The following TMEM132B variants were observed in gnomAD, a reference collection of about 807,000 sequenced individuals.
TMEM132B encodes transmembrane protein 132B.
In TMEM132B, 18 loss-of-function variants were observed where a neutral mutation model predicts 90.8. The ratio of observed to expected loss-of-function variants is 0.20; its 90% CI spans 0.14 to 0.29. The LOEUF (loss-of-function observed/expected upper bound fraction) is 0.29. Among genes scored for constraint, TMEM132B ranks in the 10% least tolerant of loss-of-function variants. TMEM132B has a pLI of 1.00. For synonymous variants in TMEM132B, 504 were observed against 523.3 expected, an observed-to-expected ratio of 0.96 and a Z score of 0.50; for missense variants, 1,096 against 1,326.8, an observed-to-expected ratio of 0.83 and a Z score of 2.70.
At chr12:125,325,365 G>A (rs1876531296) in intron 1 of TMEM132B, among the ~76,000 whole-genome samples, 2 of 152,180 alleles carry the variant, frequency 1.3e-5, no homozygotes, top group African/African-American at 2.4e-5. Context: ...TCAAAGCAGC[G>A]CCCAGGGGAA....
chr12:125,398,458 C>T lies in TMEM132B; in HGVS notation c.960-17073C>T, dbSNP rs74986845. On this transcript the variant is annotated intron_variant, in intron 2 of 8. Transcript: ENST00000682704. ...CTTCTAAGTCAATGCAGAGAAAAAG[C>T]GTAGGGTAAACGCAGTAATTAGTAG... Among the ~76,000 whole-genome samples, 1,360 of 152,256 alleles carry T rather than the reference C, an allele frequency of 8.9e-3. 24 individuals are homozygous for T. The highest frequency in any genetic ancestry group is 0.03 in the African/African-American group (1,227 of 41,556).
chr12:125,614,576 A>G (rs1885943069), intron 5 of TMEM132B, among the ~76,000 whole-genome samples: 1 of 152,160 alleles, frequency 6.6e-6, no homozygotes. Context: ...CAGTGAACAT[A>G]TGAGTTCATG....
intron 1 of TMEM132B, among the ~76,000 whole-genome samples, chr12:125,233,873 C>T (rs908875042): frequency 6.6e-5 from 10 of 152,172 alleles, no homozygotes; most frequent in East Asian, 1.9e-4. Flanking sequence ...ACTGCCTCCC[C>T]GTAGATCCTG....
intron 3 of TMEM132B, among the ~76,000 whole-genome samples, chr12:125,474,885 C>T (rs1443683503): frequency 6.6e-6 from 1 of 152,248 alleles, no homozygotes; most frequent in Non-Finnish European, 1.5e-5. Context: ...TCCAGGCTCA[C>T]TTCTGGTCTT....
At chr12:125,543,399 T>A (rs1430016305) in intron 4 of TMEM132B, among the ~76,000 whole-genome samples, 2 of 152,184 alleles carry the variant, frequency 1.3e-5, no homozygotes, top group African/African-American at 4.8e-5. Context: ...TTACATAAAA[T>A]TTACATCGTT....
chr12:125,193,735 T>C (rs542772370), intron 1 of TMEM132B, among the ~76,000 whole-genome samples: 2 of 152,320 alleles, frequency 1.3e-5, no homozygotes, highest in Admixed American at 1.3e-4. Context: ...CATTCATTCA[T>C]TGAACAGAGG....
chr12:125,405,658 C>G (rs909891858), intron 2 of TMEM132B, among the ~76,000 whole-genome samples: 3 of 152,200 alleles, frequency 2.0e-5, no homozygotes. Flanking sequence ...CCCCTACACT[C>G]CATCCTGCCT....
At chr12:125,500,399 C>T (rs1360033259) in intron 3 of TMEM132B, among the ~76,000 whole-genome samples, 2 of 152,164 alleles carry the variant, frequency 1.3e-5, no homozygotes, top group Non-Finnish European at 2.9e-5. Flanking sequence ...AGTAGGACCT[C>T]CCCTAACCCT....
chr12:125,245,547 C>T (rs2136097337), intron 1 of TMEM132B, among the ~76,000 whole-genome samples: 1 of 152,278 alleles, frequency 6.6e-6, no homozygotes. Context: ...TTCGATGGGG[C>T]CTGTGCAGTT....
chr12:125,265,019 C>T (rs1500106), intron 1 of TMEM132B, among the ~76,000 whole-genome samples: 26,347 of 152,214 alleles, frequency 0.17, 2,424 homozygotes, highest in Middle Eastern at 0.25. Context: ...GGTGGTAGAG[C>T]CTGCTACACA....
chr12:125,188,867 A>AAG (rs1303832042), intron 1 of TMEM132B, among the ~76,000 whole-genome samples: 2 of 151,174 alleles, frequency 1.3e-5, no homozygotes, highest in African/African-American at 2.4e-5. Flanking sequence ...AAAAAAAAAA[A>AAG]AAAAAAGAAA....
At chr12:125,508,569 C>T (rs986938482) in intron 3 of TMEM132B, among the ~76,000 whole-genome samples, 22 of 152,080 alleles carry the variant, frequency 1.4e-4, no homozygotes, top group Non-Finnish European at 3.1e-4. Context: ...GTGCATATGG[C>T]ATGACTCCAG....
chr12:125,319,290 A>G (rs1333686741), intron 1 of TMEM132B, among the ~76,000 whole-genome samples: 1 of 152,234 alleles, frequency 6.6e-6, no homozygotes, highest in Admixed American at 6.5e-5. Flanking sequence ...GCTGTTGATG[A>G]TGATAGTGAA....
intron 3 of TMEM132B, among the ~76,000 whole-genome samples, chr12:125,495,064 C>T (rs546306757): frequency 4.2e-4 from 28 of 66,434 alleles, no homozygotes; most frequent in Middle Eastern, 0.017. Flanking sequence ...TGAAAATGGC[C>T]GCGTCCCTCC....
intron 1 of TMEM132B, among the ~76,000 whole-genome samples, chr12:125,224,796 G>A (rs911102249): frequency 7.2e-5 from 11 of 152,120 alleles, no homozygotes; most frequent in East Asian, 1.9e-4. Context: ...TTCTTGAATC[G>A]AAGGCAGATA....
chr12:125,640,904 T>C (rs570863921), intron 5 of TMEM132B, among the ~76,000 whole-genome samples: 1 of 149,908 alleles, frequency 6.7e-6, no homozygotes, highest in African/African-American at 2.5e-5. Flanking sequence ...TAGCGAGTAC[T>C]GAACCTTTGC....
intron 4 of TMEM132B, among the ~76,000 whole-genome samples, chr12:125,571,569 C>T (rs1884794511): frequency 6.6e-6 from 1 of 152,224 alleles, no homozygotes; most frequent in South Asian, 2.1e-4. Context: ...GCACTTACCA[C>T]ATCCTGCATC....
At chr12:125,236,652 C>T (rs183059873) in intron 1 of TMEM132B, among the ~76,000 whole-genome samples, 3 of 152,326 alleles carry the variant, frequency 2.0e-5, no homozygotes, top group South Asian at 2.1e-4. Flanking sequence ...GGGACAGAGT[C>T]CTGGTTCCCC....
intron 4 of TMEM132B, among the ~76,000 whole-genome samples, chr12:125,546,718 A>T (rs188007346): frequency 6.6e-6 from 1 of 152,114 alleles, no homozygotes; most frequent in African/African-American, 2.4e-5. Context: ...TCCAGTTTTT[A>T]TTACTAAAGC....
Sources: gnomAD v4.1 joint callset for allele counts (sites outside exome capture counted in the v4.1 genomes callset) on GRCh38, gnomAD v4.1.1 for gene constraint, MANE v1.5 for transcripts, NCBI Gene and HGNC (gene_info 2026-07-23, HGNC 2026-07-21) for gene names.